UBR1: variants seen among roughly 807,000 people sequenced by gnomAD.
UBR1 encodes E3 ubiquitin-protein ligase UBR1.
In UBR1, 102 loss-of-function variants were observed where a neutral mutation model predicts 242.1. The observed-to-expected ratio is 0.42, with a 90% CI of 0.36 to 0.50. The LOEUF (loss-of-function observed/expected upper bound fraction) is 0.50. UBR1 is among the 20% of genes least tolerant of loss of function. The pLI is 0.01. For synonymous variants in UBR1, 675 were observed against 684.8 expected, an observed-to-expected ratio of 0.99 and a Z score of 0.22; for missense variants, 1,772 against 2,101.8, an observed-to-expected ratio of 0.84 and a Z score of 3.07.
chr15:43,059,555 T>C (rs752166152), intron 8 of UBR1, 147 bp downstream of exon 8: 1 of 961,908 alleles, frequency 1.0e-6, no homozygotes, highest in South Asian at 1.7e-5. Context: ...ACATTTGAAA[T>C]GCAACCCTGA....
chr15:42,948,110 G>A (rs1278868851), intron 46 of UBR1, among the ~76,000 whole-genome samples: 4 of 152,186 alleles, frequency 2.6e-5, no homozygotes, highest in African/African-American at 4.8e-5. Context: ...GAACAGAACA[G>A]AGCCCTCAGA....
intron 1 of UBR1, among the ~76,000 whole-genome samples, chr15:43,098,083 G>C (rs2034181820): frequency 6.6e-6 from 1 of 152,162 alleles, no homozygotes; most frequent in Non-Finnish European, 1.5e-5. Flanking sequence ...AGAATACTTA[G>C]AGGCCATTGT....
At chr15:43,012,435 A>G (rs1483987692) in intron 29 of UBR1, among the ~76,000 whole-genome samples, 1 of 152,232 alleles carries the variant, frequency 6.6e-6, no homozygotes, top group Non-Finnish European at 1.5e-5. Flanking sequence ...ATTTGTAATC[A>G]TGGTTATGTG....
chr15:43,021,734 T>C (rs933011021), intron 26 of UBR1, among the ~76,000 whole-genome samples: 4 of 152,200 alleles, frequency 2.6e-5, no homozygotes, highest in African/African-American at 9.6e-5. Flanking sequence ...AATCCCTAGA[T>C]ATGGAACCCA....
intron 30 of UBR1, among the ~76,000 whole-genome samples, chr15:43,005,468 T>TG (rs1170112791): frequency 7.7e-5 from 10 of 129,748 alleles, no homozygotes; most frequent in Admixed American, 2.3e-4. Flanking sequence ...GGGAGGGAGG[T>TG]GGGGGGGCAG....
intron 1 of UBR1, among the ~76,000 whole-genome samples, chr15:43,090,764 C>G (rs533287316): frequency 4.7e-4 from 72 of 152,240 alleles, no homozygotes; most frequent in African/African-American, 1.7e-3. Context: ...ACAAGCCCCT[C>G]ACATTTCATA....
At position 43,063,850 on chromosome 15, in the gene UBR1, C is replaced by T. The variant is rs1050475415; in HGVS notation, c.799-3736G>A. On this transcript the variant is annotated intron_variant, in intron 6 of 46. Transcript: ENST00000290650. ...CTCCTGGGTTCAAGTGATTCTCCTG[C>T]CTCAGCCTCCCAAGTAGCTGGGTTT... Among the ~76,000 whole-genome samples, 2 of 152,212 alleles carry T rather than the reference C, an allele frequency of 1.3e-5. 1 individual carries two copies. The highest frequency in any genetic ancestry group is 3.9e-4 in the East Asian group (2 of 5,186).
At chr15:42,997,287 C>T (rs977750084) in intron 33 of UBR1, among the ~76,000 whole-genome samples, 2 of 152,046 alleles carry the variant, frequency 1.3e-5, no homozygotes, top group African/African-American at 2.4e-5. Flanking sequence ...ACCATCTAGT[C>T]GCAGGAAAAC....
chr15:43,088,992 T>C (rs1419136874), intron 1 of UBR1, among the ~76,000 whole-genome samples: 2 of 149,888 alleles, frequency 1.3e-5, no homozygotes, highest in East Asian at 2.0e-4. Flanking sequence ...TGAAACCCCG[T>C]CTCTACTAAA....
chr15:43,021,431 C>A, intron 26 of UBR1, 56 bp from the exon 27 acceptor site: 1 of 1,556,784 alleles, frequency 6.4e-7, no homozygotes, highest in Non-Finnish European at 8.8e-7. Flanking sequence ...CTCTTGGTAT[C>A]CTCAGGGAAT....
Position 43,015,806 on chromosome 15 carries a change from G to A in UBR1, c.3091C>T (p.Gln1031Ter). 6.2e-7 allele frequency: 1 copy of A among 1,614,134 alleles called. No homozygotes were observed. The highest frequency in any genetic ancestry group is 8.5e-7 in the Non-Finnish European group (1 of 1,180,026). Residue 1031 changes from glutamine to a stop codon, truncating the protein, a stop_gained, in exon 29 of 47, where the codon CAG (glutamine) becomes TAG (stop). Transcript: ENST00000290650. LOFTEE classifies it high-confidence loss of function. ...GCAGACATCTGAGCCATGATCTTCT[G>A]GCGATGTAGCCTAGCAGCTTCAGCT... ...RKAEAARLHRQKIMAQMSALQ... is the reference protein window; with the variant it reads ...RKAEAARLHR
intron 21 of UBR1, among the ~76,000 whole-genome samples, chr15:43,029,171 A>C (rs1466057274): frequency 6.6e-6 from 1 of 151,714 alleles, no homozygotes; most frequent in African/African-American, 2.4e-5. Context: ...AAGCCTTGAC[A>C]GCACAAATAA....
intron 1 of UBR1, among the ~76,000 whole-genome samples, chr15:43,101,324 G>A (rs2034231605): frequency 6.6e-6 from 1 of 152,176 alleles, no homozygotes; most frequent in African/African-American, 2.4e-5. Context: ...GAATGGACAG[G>A]AAGAGGGCAA....
intron 5 of UBR1, 114 bp downstream of exon 5, chr15:43,070,681 A>G: frequency 1.3e-6 from 2 of 1,485,360 alleles, no homozygotes; most frequent in South Asian, 2.3e-5. Flanking sequence ...TAAGTCACTA[A>G]GAATTTTTCA....
At chr15:43,032,070 G>A (rs2033265035) in intron 20 of UBR1, among the ~76,000 whole-genome samples, 1 of 151,446 alleles carries the variant, frequency 6.6e-6, no homozygotes, top group Non-Finnish European at 1.5e-5. Flanking sequence ...ACAAGATGAT[G>A]GCAATGAATG....
intron 29 of UBR1, among the ~76,000 whole-genome samples, chr15:43,010,828 A>C (rs1307701483): frequency 6.6e-6 from 1 of 150,394 alleles, no homozygotes; most frequent in African/African-American, 2.4e-5. Flanking sequence ...CAAAAAAAAA[A>C]AAAAAAAAAA....
chr15:43,102,150 A>T (rs1368268878), intron 1 of UBR1, among the ~76,000 whole-genome samples: 4 of 152,126 alleles, frequency 2.6e-5, no homozygotes, highest in Non-Finnish European at 5.9e-5. Context: ...AAAACTGAGG[A>T]TGCAGATATC....
Position 43,043,270 on chromosome 15 carries a change from G to A in UBR1, c.1794C>T (p.Tyr598=), listed in dbSNP as rs547903566. 1 of 1,614,078 alleles carries A rather than the reference G, an allele frequency of 6.2e-7. No individual in the cohort carries two copies. Among genetic ancestry groups the A allele is most frequent in the South Asian group, 1.1e-5 (1 of 91,078 alleles). ...SCGHSLETKS[Y]RVSEDLVSIH... ...TGCTTACAAGATCCTCAGATACTCT[G>A]TAGGACTTTGTTTCCAAACTATGTC... is the stretch of plus-strand genomic sequence containing the variant. The change falls in exon 15 of 47, where the codon TAC becomes TAT. Residue 598 remains tyrosine, a synonymous_variant. Coordinates refer to ENST00000290650, the MANE Select transcript of UBR1 (RefSeq NM_174916.3).
At position 42,966,149 on chromosome 15, in the gene UBR1, T is replaced by C. The variant is rs775427758; in HGVS notation, c.4591+4A>G. 4 of 1,614,040 alleles carry C rather than the reference T, an allele frequency of 2.5e-6. No homozygotes were observed. The Admixed American group carries it at 6.7e-5, about 27-fold the overall frequency. The stretch of plus-strand genomic sequence containing the variant: ...CCACTCCATGATTTCATTTTTCTAC[T>C]TACTGGTATGCAGTTCCTCAGGCGG... On this transcript the variant is annotated splice_donor_region_variant and intron_variant, in intron 41 of 46. Coordinates refer to ENST00000290650, the MANE Select transcript of UBR1 (RefSeq NM_174916.3).
Sources: allele counts gnomAD v4.1 joint callset (sites outside exome capture counted in the v4.1 genomes callset), GRCh38; gene constraint gnomAD v4.1.1; transcripts MANE v1.5; gene names NCBI Gene and HGNC (gene_info 2026-07-23, HGNC 2026-07-21).